Variants in FGD4 observed in about 807,000 individuals in gnomAD.
The protein encoded by FGD4 is FYVE, RhoGEF and PH domain containing 4.
FGD4 carries 42 observed loss-of-function variants against 102.0 expected under a neutral mutation model. That is an observed-to-expected ratio of 0.41 (90% CI 0.32 to 0.53). The LOEUF is 0.53. Ranked by LOEUF, FGD4 falls within the 20% of genes least tolerant of loss-of-function variation. The probability of loss-of-function intolerance (pLI) is 0.21; values close to 1 mark genes in which losing one functional copy is unlikely to be tolerated. For missense variants in FGD4, 902 were observed against 1,078.2 expected, an observed-to-expected ratio of 0.84 and a Z score of 2.29; for synonymous variants, 380 against 375.7, an observed-to-expected ratio of 1.01 and a Z score of -0.13.
intron 1 of FGD4, among the ~76,000 whole-genome samples, chr12:32,422,122 C>T (rs762414945): frequency 1.9e-4 from 28 of 145,096 alleles, no homozygotes; most frequent in African/African-American, 6.8e-4. Flanking sequence ...CCAGTGTGGG[C>T]GACAGAATGA....
chr12:32,531,396 C>T (rs927346219), intron 1 of FGD4, among the ~76,000 whole-genome samples: 8 of 152,130 alleles, frequency 5.3e-5, no homozygotes, highest in African/African-American at 1.9e-4. Context: ...TAACCACCAC[C>T]ACCACAATGA....
chr12:32,488,011 T>A (rs568885256), intron 1 of FGD4, among the ~76,000 whole-genome samples: 1 of 152,312 alleles, frequency 6.6e-6, no homozygotes, highest in Non-Finnish European at 1.5e-5. Context: ...TTCCAAGTCT[T>A]GTATGAATGA....
At chr12:32,601,450 T>C (rs1948418305) in intron 6 of FGD4, 27 bp downstream of exon 6, 15 of 1,597,016 alleles carry the variant, frequency 9.4e-6, no homozygotes, top group Non-Finnish European at 1.3e-5. Flanking sequence ...GAAAATGATA[T>C]GTTTAAGGCA....
chr12:32,640,223 A>C, intron 16 of FGD4, 53 bp from the exon 17 acceptor site: 1 of 1,613,848 alleles, frequency 6.2e-7, no homozygotes, highest in Non-Finnish European at 8.5e-7. Flanking sequence ...CAAGGGACAC[A>C]CTTAACAAGC....
chr12:32,586,516 A>C (rs1001288723), intron 4 of FGD4, among the ~76,000 whole-genome samples: 4 of 152,246 alleles, frequency 2.6e-5, no homozygotes, highest in Non-Finnish European at 4.4e-5. Flanking sequence ...CATAAGCCTA[A>C]TATTATCTGG....
intron 1 of FGD4, among the ~76,000 whole-genome samples, chr12:32,438,811 T>C (rs1007902624): frequency 6.6e-6 from 1 of 152,064 alleles, no homozygotes; most frequent in Non-Finnish European, 1.5e-5. Flanking sequence ...GGTTTCACCA[T>C]GTTAGCCAGG....
rs527921123 is a variant in FGD4, at chr12:32,444,028, T to C, written c.166+44069T>C. Among the ~76,000 whole-genome samples the C allele has an allele frequency of 9.3e-3, 1,365 of 146,336 alleles. 26 individuals carry two copies. The highest frequency in any genetic ancestry group is 0.033 in the African/African-American group (1,274 of 39,074). The stretch of plus-strand genomic sequence containing the variant: ...ACAGGCTGACTTTGTTTTCTTTTTT[T>C]TTTTTTTTTTTTTTGAGACAGGGTC... On this transcript the variant is annotated intron_variant, in intron 1 of 16. Transcript: ENST00000534526.
At chr12:32,443,465 G>A (rs185244697) in intron 1 of FGD4, among the ~76,000 whole-genome samples, 395 of 151,330 alleles carry the variant, frequency 2.6e-3, no homozygotes, top group East Asian at 9.7e-3. Flanking sequence ...GTCCTCCTGC[G>A]TCAGCCTCCT....
At chr12:32,549,617 A>C (rs1414639517) in intron 1 of FGD4, among the ~76,000 whole-genome samples, 1 of 152,212 alleles carries the variant, frequency 6.6e-6, no homozygotes, top group Non-Finnish European at 1.5e-5. Flanking sequence ...CCTTAAAATG[A>C]AAACAAAATG....
chr12:32,477,698 C>G (rs2136536479), intron 1 of FGD4, among the ~76,000 whole-genome samples: 1 of 152,278 alleles, frequency 6.6e-6, no homozygotes, highest in East Asian at 1.9e-4. Context: ...AGTCCCCTTC[C>G]ACACACTCCC....
chr12:32,596,017 C>T (rs1270906374), intron 4 of FGD4, among the ~76,000 whole-genome samples: 1 of 152,202 alleles, frequency 6.6e-6, no homozygotes, highest in Non-Finnish European at 1.5e-5. Flanking sequence ...AACTTAATAG[C>T]ATTTATACGC....
intron 1 of FGD4, among the ~76,000 whole-genome samples, chr12:32,435,023 T>A (rs2728673): frequency 0.4 from 60,170 of 151,588 alleles, 12,576 homozygotes; most frequent in African/African-American, 0.51. Context: ...GGCTCACCGC[T>A]ACCTCTGCCT....
intron 4 of FGD4, among the ~76,000 whole-genome samples, chr12:32,591,778 A>G (rs1389236785): frequency 6.6e-6 from 1 of 152,236 alleles, no homozygotes; most frequent in African/African-American, 2.4e-5. Flanking sequence ...CAGTACATTC[A>G]TGAAGCAGTG....
chr12:32,412,304 T>G (rs914946592), intron 1 of FGD4, among the ~76,000 whole-genome samples: 2 of 152,194 alleles, frequency 1.3e-5, no homozygotes, highest in African/African-American at 4.8e-5. Context: ...GATTGTGAGA[T>G]AATGGAGAGA....
rs910917139 is a variant in FGD4 at position 32,618,579 on chromosome 12, C to T, written c.1750-1119C>T. Among the ~76,000 whole-genome samples the T allele has an allele frequency of 1.3e-4, 20 of 152,086 alleles. 1 individual carries two copies. The highest frequency in any genetic ancestry group is 4.8e-4 in the African/African-American group (20 of 41,406). ...CAGATGCTATGTCTCACACTATAAT[C>T]CCAGCACTTCGGGAGGCTGAGGTGA... On this transcript the variant is annotated intron_variant, in intron 10 of 16. Coordinates refer to ENST00000534526, the MANE Select transcript of FGD4 (RefSeq NM_001370298.3).
chr12:32,615,455 TTC>T (rs1949390216), intron 10 of FGD4, among the ~76,000 whole-genome samples: 1 of 152,214 alleles, frequency 6.6e-6, no homozygotes, highest in Admixed American at 6.5e-5. Context: ...TGTGAATATC[TTC>T]ATAATTTAAA....
intron 1 of FGD4, among the ~76,000 whole-genome samples, chr12:32,556,227 G>A (rs1369493696): frequency 6.6e-6 from 1 of 151,958 alleles, no homozygotes; most frequent in African/African-American, 2.4e-5. Flanking sequence ...CTTTTCCTTG[G>A]TTAAACAAGG....
chr12:32,500,686 C>A (rs1276177565), intron 1 of FGD4, among the ~76,000 whole-genome samples: 1 of 152,136 alleles, frequency 6.6e-6, no homozygotes, highest in African/African-American at 2.4e-5. Context: ...CCTGCCTCAG[C>A]CTCCCAAAGT....
At chr12:32,465,475 C>A (rs1177097891) in intron 1 of FGD4, among the ~76,000 whole-genome samples, 37 of 151,784 alleles carry the variant, frequency 2.4e-4, no homozygotes, top group African/African-American at 6.8e-4. Context: ...GGAGACCATC[C>A]CGGCCAACAT....
Sources: gnomAD v4.1 joint callset for allele counts (sites outside exome capture counted in the v4.1 genomes callset) on GRCh38, gnomAD v4.1.1 for gene constraint, MANE v1.5 for transcripts, NCBI Gene and HGNC (gene_info 2026-07-23, HGNC 2026-07-21) for gene names.